The following RNF217 variants were observed in gnomAD, a reference collection of about 807,000 sequenced individuals.
The protein encoded by RNF217 is ring finger protein 217.
RNF217 carries 31 observed loss-of-function variants against 57.8 expected under a neutral mutation model. The ratio of observed to expected loss-of-function variants is 0.54; its 90% CI spans 0.40 to 0.72. RNF217 has a LOEUF of 0.72. Among genes scored for constraint, RNF217 ranks in the 30% least tolerant of loss-of-function variants. The pLI is 0.00. For missense variants in RNF217, 696 were observed against 708.3 expected, an observed-to-expected ratio of 0.98 and a Z score of 0.20; for synonymous variants, 313 against 294.0, an observed-to-expected ratio of 1.06 and a Z score of -0.66.
intron 1 of RNF217, among the ~76,000 whole-genome samples, chr6:124,974,114 C>G (rs919561327): frequency 3.9e-5 from 6 of 152,262 alleles, no homozygotes; most frequent in Non-Finnish European, 7.3e-5. Context: ...ATTTTCTGCC[C>G]TAAGTTTGGA....
intron 1 of RNF217, among the ~76,000 whole-genome samples, chr6:124,993,454 G>A (rs1050550978): frequency 4.6e-5 from 7 of 152,054 alleles, no homozygotes; most frequent in Admixed American, 2.0e-4. Context: ...TCCTTTCTTT[G>A]ATGAAGAGGC....
intron 1 of RNF217, among the ~76,000 whole-genome samples, chr6:125,008,582 C>A (rs988674272): frequency 2.0e-5 from 3 of 152,100 alleles, no homozygotes; most frequent in African/African-American, 4.8e-5. Flanking sequence ...GTCTTGTGCC[C>A]TTGACAAAGT....
intron 1 of RNF217, among the ~76,000 whole-genome samples, chr6:124,991,480 T>C (rs915614825): frequency 3.9e-5 from 6 of 152,226 alleles, no homozygotes; most frequent in African/African-American, 1.4e-4. Flanking sequence ...ATCTGCTGTA[T>C]TTTTTCATGG....
intron 2 of RNF217, among the ~76,000 whole-genome samples, chr6:125,056,897 A>G (rs1007712935): frequency 3.3e-5 from 5 of 152,154 alleles, no homozygotes; most frequent in Non-Finnish European, 5.9e-5. Flanking sequence ...GTCAGATAAA[A>G]TATCCTCCAT....
chr6:125,000,583 T>A (rs918431022), intron 1 of RNF217, among the ~76,000 whole-genome samples: 9 of 152,226 alleles, frequency 5.9e-5, no homozygotes, highest in African/African-American at 2.2e-4. Context: ...AGGGTAATTT[T>A]GATCCTCACA....
intron 1 of RNF217, among the ~76,000 whole-genome samples, chr6:125,016,563 A>G (rs1238923955): frequency 6.6e-6 from 1 of 152,162 alleles, no homozygotes; most frequent in East Asian, 1.9e-4. Context: ...AAGTTTTTAG[A>G]AAGTTCTCTT....
chr6:124,971,990 C>A (rs1783780013), intron 1 of RNF217, among the ~76,000 whole-genome samples: 1 of 152,154 alleles, frequency 6.6e-6, no homozygotes, highest in African/African-American at 2.4e-5. Context: ...TTATCTGTAT[C>A]CCCAGTCAAG....
intron 1 of RNF217, among the ~76,000 whole-genome samples, chr6:124,988,261 C>G (rs1784428627): frequency 6.6e-6 from 1 of 152,156 alleles, no homozygotes; most frequent in Non-Finnish European, 1.5e-5. Context: ...ATACCAGTCC[C>G]TAGTGCCAAA....
rs546126852 is a variant in RNF217 at position 125,056,157 on chromosome 6, C to A, written c.1117-1785C>A. Reference sequence around the variant, plus strand: ...TTTTAAGTTGTCAATTGTCAAAGAACAAATGCCGTTTAGTATAAGACTATA... The same window carrying A: ...TTTTAAGTTGTCAATTGTCAAAGAAAAAATGCCGTTTAGTATAAGACTATA... On this transcript the variant is annotated intron_variant, in intron 2 of 5. Transcript: ENST00000521654. Among the ~76,000 whole-genome samples, 13 of 152,166 alleles carry A rather than the reference C, an allele frequency of 8.5e-5. No individual in the cohort carries two copies. The East Asian group carries it at 2.5e-3, about 29-fold the overall frequency.
intron 1 of RNF217, among the ~76,000 whole-genome samples, chr6:124,968,437 T>C (rs1158477681): frequency 6.6e-6 from 1 of 152,228 alleles, no homozygotes; most frequent in Admixed American, 6.5e-5. Context: ...ATCATTTCTC[T>C]TTAATAATTT....
At position 125,035,067 on chromosome 6, in the gene RNF217, A is replaced by C. The variant is rs928247962; in HGVS notation, c.883-10144A>C. Among the ~76,000 whole-genome samples the C allele has an allele frequency of 3.4e-3, 517 of 152,190 alleles. 3 individuals carry two copies. The highest frequency in any genetic ancestry group is 0.011 in the African/African-American group (474 of 41,508). ...GATTTTGTATCCTGAGACTTTGCTG[A>C]AGTTGCTTATCAGCTTAAGGAGATT... On this transcript the variant is annotated intron_variant, in intron 1 of 5. Coordinates refer to ENST00000521654, the MANE Select transcript of RNF217 (RefSeq NM_001286398.3).
At chr6:125,052,326 A>G (rs1033421133) in intron 2 of RNF217, among the ~76,000 whole-genome samples, 11 of 129,978 alleles carry the variant, frequency 8.5e-5, no homozygotes, top group South Asian at 2.4e-4. Flanking sequence ...GTGTGGTTTT[A>G]TTTGTTTTGT....
chr6:125,046,704 C>T, intron 2 of RNF217: 1 of 455,612 alleles, frequency 2.2e-6, no homozygotes, highest in Non-Finnish European at 4.4e-6. Flanking sequence ...GCAGCAGTTA[C>T]ATTATTCATT....
intron 1 of RNF217, chr6:125,009,486 A>G (rs1785338125): frequency 2.1e-6 from 1 of 476,578 alleles, no homozygotes. Flanking sequence ...AAAAAAAAGA[A>G]AAACAGAGAC....
At position 125,091,601 on chromosome 6, in the gene RNF217, A is replaced by G. The variant is rs1367349200; in HGVS notation, c.*8664A>G. 1 of 152,156 alleles carries G rather than the reference A, an allele frequency of 6.6e-6. No homozygotes were observed. The highest frequency in any genetic ancestry group is 1.5e-5 in the Non-Finnish European group (1 of 67,988). The allele number at this position is 152,156 out of a possible 1,614,324, so 9.4% of individuals were successfully genotyped here. A position where few individuals can be genotyped will look rare whatever the true frequency, so the allele number is the denominator to read the frequency against. ...TAAAATTGAATTGTACTTTAAAACCATAAAAAATGCTAATTAAGTTTAGAA... is the reference window on the plus strand; with the variant it reads ...TAAAATTGAATTGTACTTTAAAACCGTAAAAAATGCTAATTAAGTTTAGAA... On this transcript the variant is annotated 3_prime_UTR_variant, in exon 6 of 6. Transcript: ENST00000521654.
chr6:125,081,258 T>TA (rs1184825842), intron 4 of RNF217, among the ~76,000 whole-genome samples, 178 bp from the exon 5 acceptor site: 1 of 152,126 alleles, frequency 6.6e-6, no homozygotes, highest in Non-Finnish European at 1.5e-5. Flanking sequence ...TTACTAAACT[T>TA]ACATGTGTAT....
At chr6:124,984,047 C>T (rs1784276183) in intron 1 of RNF217, among the ~76,000 whole-genome samples, 2 of 152,158 alleles carry the variant, frequency 1.3e-5, no homozygotes, top group African/African-American at 4.8e-5. Context: ...CCTCCATCAC[C>T]TCCCAAAAGC....
chr6:125,064,293 T>C (rs1787856048), intron 3 of RNF217, among the ~76,000 whole-genome samples: 1 of 152,172 alleles, frequency 6.6e-6, no homozygotes, highest in Admixed American at 6.5e-5. Flanking sequence ...GAGCAGGGGT[T>C]ATCATTGGCA....
chr6:125,063,673 T>G (rs1241573234), intron 3 of RNF217, among the ~76,000 whole-genome samples: 1 of 125,486 alleles, frequency 8.0e-6, no homozygotes, highest in Non-Finnish European at 1.9e-5. Flanking sequence ...TTTTGCACAA[T>G]AATTATAACA....
Sources: allele counts gnomAD v4.1 joint callset (sites outside exome capture counted in the v4.1 genomes callset), GRCh38; gene constraint gnomAD v4.1.1; transcripts MANE v1.5; gene names NCBI Gene and HGNC (gene_info 2026-07-23, HGNC 2026-07-21).